Variants in HPD observed in about 807,000 individuals in gnomAD.
HPD encodes 4-hydroxyphenylpyruvate dioxygenase.
In HPD, 35 loss-of-function variants were observed where a neutral mutation model predicts 56.9. That is an observed-to-expected ratio of 0.62 (90% CI 0.47 to 0.82). The LOEUF is 0.82. Ranked by LOEUF, HPD falls within the 40% of genes least tolerant of loss-of-function variation. HPD has a pLI of 0.00. For synonymous variants in HPD, 186 were observed against 200.2 expected (o/e 0.93, Z 0.60); for missense variants, 442 against 506.8 (o/e 0.87, Z 1.23).
Position 121,845,094 on chromosome 12 carries a change from G to GATAT in HPD, c.832-1266_832-1263dup, listed in dbSNP as rs146463958. On this transcript the variant is annotated intron_variant, in intron 11 of 13. Transcript: ENST00000289004. ...GCAAGACTGCATCTCAAAAAAGAAG[G>GATAT]ATATATATATATATACACACACATA... Among the ~76,000 whole-genome samples, 7 of 145,336 alleles carry GATAT rather than the reference G, an allele frequency of 4.8e-5. 1 individual carries two copies. Among genetic ancestry groups the GATAT allele is most frequent in the African/African-American group, 1.6e-4 (6 of 37,208 alleles).
At chr12:121,852,780 G>A (rs1386338009) in intron 7 of HPD, among the ~76,000 whole-genome samples, 2 of 151,808 alleles carry the variant, frequency 1.3e-5, no homozygotes, top group African/African-American at 4.8e-5. Flanking sequence ...GACTACAGGT[G>A]CACACCACCA....
intron 4 of HPD, 36 bp from the exon 5 acceptor site, chr12:121,856,661 T>A: frequency 1.9e-6 from 3 of 1,607,712 alleles, no homozygotes; most frequent in Non-Finnish European, 2.6e-6. Context: ...GGCTAGTGGC[T>A]CAGGGGGGCA....
intron 7 of HPD, among the ~76,000 whole-genome samples, chr12:121,851,595 C>A (rs536542767): frequency 1.4e-5 from 2 of 144,068 alleles, no homozygotes; most frequent in African/African-American, 5.1e-5. Context: ...CCACCTGCCT[C>A]GGCCTCACAA....
chr12:121,845,977 G>A (rs1358851444), intron 11 of HPD, among the ~76,000 whole-genome samples: 1 of 152,086 alleles, frequency 6.6e-6, no homozygotes, highest in Non-Finnish European at 1.5e-5. Flanking sequence ...ATAGCTAACT[G>A]CAGCCTTGAA....
chr12:121,865,010 G>A (rs985553365), upstream of HPD, among the ~76,000 whole-genome samples: 12 of 152,146 alleles, frequency 7.9e-5, no homozygotes, highest in Non-Finnish European at 1.8e-4. Context: ...GCTCACGCCT[G>A]TAATCCCAGC....
At chr12:121,866,381 T>A (rs1230865809), upstream of HPD, among the ~76,000 whole-genome samples, 2 of 145,156 alleles carry the variant, frequency 1.4e-5, no homozygotes, top group East Asian at 2.0e-4. Context: ...ATGTTACGTT[T>A]AAAAAAAAAA....
chr12:121,851,595 C>T lies in HPD; in HGVS notation c.415-1805G>A, dbSNP rs536542767. ...CTGAACTCAGGTGATCCACCTGCCT[C>T]GGCCTCACAAAGTGCTGGGATTACA... On this transcript the variant is annotated intron_variant, in intron 7 of 13. Coordinates refer to ENST00000289004, the MANE Select transcript of HPD (RefSeq NM_002150.3). Among the ~76,000 whole-genome samples the T allele has an allele frequency of 2.1e-3, 307 of 144,172 alleles. 2 individuals carry two copies. The highest frequency in any genetic ancestry group is 7.4e-3 in the African/African-American group (290 of 39,058). 94.6% of individuals were successfully genotyped at this position (144,172 alleles called of 152,430 possible).
chr12:121,870,363 C>T, the HPD span, among the ~76,000 whole-genome samples: 3 of 151,770 alleles, frequency 2.0e-5, no homozygotes, highest in Admixed American at 2.0e-4. Context: ...GGCTTACTAG[C>T]TAGGTGTGGT....
chr12:121,849,397 C>T (rs1398737336), intron 8 of HPD, among the ~76,000 whole-genome samples: 2 of 152,032 alleles, frequency 1.3e-5, no homozygotes, highest in Non-Finnish European at 2.9e-5. Context: ...CTATTACAGT[C>T]CCCATTTTAC....
intron 6 of HPD, among the ~76,000 whole-genome samples, chr12:121,855,732 A>C (rs571940548): frequency 0.025 from 3,178 of 128,788 alleles, 66 homozygotes; most frequent in South Asian, 0.1. Flanking sequence ...CACACACAAA[A>C]GAAAGAAAAA....
the HPD span, among the ~76,000 whole-genome samples, chr12:121,869,315 C>A: frequency 2.9e-4 from 43 of 148,082 alleles, no homozygotes; most frequent in African/African-American, 8.3e-4. Context: ...GCGCCATTGC[C>A]CTCCAGCCTG....
the HPD span, among the ~76,000 whole-genome samples, chr12:121,885,956 G>A: frequency 4.7e-5 from 7 of 148,858 alleles, no homozygotes; most frequent in South Asian, 1.2e-3. Context: ...CACCACGCCC[G>A]GATAATTTTT....
chr12:121,839,936 T>G lies in HPD; in HGVS notation c.1067A>C (p.His356Pro). ...CCTGCCGGGGACAAGCAGTACCTGG[T>G]GGTTGTGGCGCTGGATGACTTCCAG... ...LFLEVIQRHN[H>P]QGFGAGNFNS... Residue 356 changes from histidine to proline, a missense_variant, in exon 13 of 14, where the codon CAC (histidine) becomes CCC (proline). Transcript: ENST00000289004. 6.2e-7 allele frequency: 1 copy of G among 1,613,046 alleles called. No individual in the cohort carries two copies. The highest frequency in any genetic ancestry group is 8.5e-7 in the Non-Finnish European group (1 of 1,179,118).
chr12:121,863,956 G>A (rs371826108), upstream of HPD, among the ~76,000 whole-genome samples: 409 of 151,748 alleles, frequency 2.7e-3, 1 homozygote, highest in Non-Finnish European at 4.3e-3. Flanking sequence ...GGCTGGGCAC[G>A]GTGGCTCATG....
chr12:121,839,659 G>A lies in HPD; in HGVS notation c.*69C>T, dbSNP rs1592913492. On this transcript the variant is annotated 3_prime_UTR_variant, in exon 14 of 14. Coordinates refer to ENST00000289004, the MANE Select transcript of HPD (RefSeq NM_002150.3). ...GGACCCAAGGGGAGCAGCCAGTAGG[G>A]AAGTTGGGCGAGTTCCAGAATCAGG... 1 of 1,146,580 alleles carries A rather than the reference G, an allele frequency of 8.7e-7. No individual in the cohort carries two copies. Among genetic ancestry groups the A allele is most frequent in the South Asian group, 1.2e-5 (1 of 81,404 alleles). The allele number at this position is 1,146,580 out of a possible 1,614,324, so 71.0% of individuals were successfully genotyped here. A position where few individuals can be genotyped will look rare whatever the true frequency, so the allele number is the denominator to read the frequency against.
At chr12:121,852,905 T>G (rs1171644588) in intron 7 of HPD, among the ~76,000 whole-genome samples, 1 of 152,058 alleles carries the variant, frequency 6.6e-6, no homozygotes, top group African/African-American at 2.4e-5. Flanking sequence ...GTGCTGGGAT[T>G]ATGGGCGTGA....
chr12:121,867,381 C>T (rs138699025), upstream of HPD, among the ~76,000 whole-genome samples: 1 of 151,644 alleles, frequency 6.6e-6, no homozygotes, highest in East Asian at 1.9e-4. Flanking sequence ...TGAGATTCAT[C>T]CACGTTGATG....
At position 121,847,054 on chromosome 12, in the gene HPD, G is replaced by C; in HGVS notation, c.757C>G (p.Gln253Glu). ...PAPGKKKSQIQEYVDYNGGAG... is the reference protein window; with the variant it reads ...PAPGKKKSQIEEYVDYNGGAG... ...CCCCCAGCCAGGGGCGGCCTCACCT[G>C]GATCTGGGACTTCTTCTTGCCAGGC... The change falls in exon 10 of 14, where the codon CAG (glutamine) becomes GAG (glutamate). Residue 253 changes from glutamine (Q) to glutamate (E), a missense_variant and splice_region_variant. Gln to Glu is a conservative substitution (Grantham distance 29). Transcript: ENST00000289004. 6.2e-7 allele frequency: 1 copy of C among 1,614,130 alleles called. No individual in the cohort carries two copies. The highest frequency in any genetic ancestry group is 8.5e-7 in the Non-Finnish European group (1 of 1,180,024).
chr12:121,856,490 A>C (rs1878002492), intron 5 of HPD, 84 bp from the exon 6 acceptor site: 1 of 1,588,956 alleles, frequency 6.3e-7, no homozygotes, highest in South Asian at 1.1e-5. Context: ...CAGGCCCTGA[A>C]CCCAGAGCCC....
Sources: gnomAD v4.1 joint callset for allele counts (sites outside exome capture counted in the v4.1 genomes callset) on GRCh38, gnomAD v4.1.1 for gene constraint, MANE v1.5 for transcripts, NCBI Gene and HGNC (gene_info 2026-07-23, HGNC 2026-07-21) for gene names.